Variants in FKBP5 observed in about 807,000 individuals in gnomAD.
FKBP5 encodes the protein FKBP prolyl isomerase 5.
In FKBP5, 23 loss-of-function variants were observed where a neutral mutation model predicts 50.5. That is an observed-to-expected ratio of 0.46 (90% CI 0.33 to 0.65). The LOEUF (loss-of-function observed/expected upper bound fraction) is 0.65. FKBP5 is among the 30% of genes least tolerant of loss of function. The pLI is 0.02. For missense variants in FKBP5, 411 were observed against 553.1 expected, an observed-to-expected ratio of 0.74 and a Z score of 2.58; for synonymous variants, 176 against 190.6, an observed-to-expected ratio of 0.92 and a Z score of 0.63.
chr6:35,591,479 G>A (rs1762817999), intron 6 of FKBP5, among the ~76,000 whole-genome samples: 1 of 151,814 alleles, frequency 6.6e-6, no homozygotes, highest in Non-Finnish European at 1.5e-5. Context: ...CCTTGGGGCA[G>A]CTTGATTCAT....
intron 2 of FKBP5, among the ~76,000 whole-genome samples, chr6:35,713,690 T>G (rs925691349): frequency 6.6e-6 from 1 of 152,168 alleles, no homozygotes; most frequent in Non-Finnish European, 1.5e-5. Context: ...CAGACTTAAA[T>G]GCTCAATTTG....
At chr6:35,707,197 C>A (rs931691281) in intron 2 of FKBP5, among the ~76,000 whole-genome samples, 2 of 147,718 alleles carry the variant, frequency 1.4e-5, no homozygotes, top group African/African-American at 5.0e-5. Context: ...ATTCAGATCA[C>A]TGGTAAGTAT....
chr6:35,631,954 CAAAAAAA>C (rs763457961), intron 3 of FKBP5, among the ~76,000 whole-genome samples: 2 of 63,778 alleles, frequency 3.1e-5, no homozygotes, highest in Admixed American at 1.7e-4. Context: ...GACTCTGTCT[CAAAAAAA>C]AAAAAAAAAA....
At chr6:35,605,824 A>C (rs1473966361) in intron 5 of FKBP5, among the ~76,000 whole-genome samples, 1 of 152,242 alleles carries the variant, frequency 6.6e-6, no homozygotes, top group Non-Finnish European at 1.5e-5. Flanking sequence ...GTATGCGGCA[A>C]GTCCTAGCCT....
At position 35,619,221 on chromosome 6, in the gene FKBP5, A is replaced by G; in HGVS notation, c.394-11T>C. 1 of 1,587,682 alleles carries G rather than the reference A, an allele frequency of 6.3e-7. No homozygotes were observed. Among genetic ancestry groups the G allele is most frequent in the Non-Finnish European group, 8.6e-7 (1 of 1,156,846 alleles). ...ATCAAGGAGCTCAATCTAGAAAGAAAAAAGGAATTCAGCTGAGAAAAGACC... is the reference window on the plus strand; with the variant it reads ...ATCAAGGAGCTCAATCTAGAAAGAAGAAAGGAATTCAGCTGAGAAAAGACC... On this transcript the variant is annotated splice_polypyrimidine_tract_variant and intron_variant, in intron 4 of 10. Coordinates refer to ENST00000357266, the MANE Select transcript of FKBP5 (RefSeq NM_004117.4).
chr6:35,631,385 C>T (rs1345930544), intron 3 of FKBP5, among the ~76,000 whole-genome samples: 1 of 152,062 alleles, frequency 6.6e-6, no homozygotes, highest in Non-Finnish European at 1.5e-5. Flanking sequence ...ATTATAGTAA[C>T]AGAAACCAAG....
intron 6 of FKBP5, among the ~76,000 whole-genome samples, chr6:35,592,590 C>T (rs550163678): frequency 3.2e-4 from 49 of 152,240 alleles, no homozygotes; most frequent in Admixed American, 1.1e-3. Flanking sequence ...CCTTAACTAC[C>T]CAGGTAGGTA....
intron 2 of FKBP5, among the ~76,000 whole-genome samples, chr6:35,705,605 T>C (rs1766294216): frequency 6.6e-6 from 1 of 151,918 alleles, no homozygotes; most frequent in South Asian, 2.1e-4. Context: ...TGAAATAATA[T>C]AAAATATAGA....
At chr6:35,648,709 G>A (rs1446646860) in intron 1 of FKBP5, among the ~76,000 whole-genome samples, 3 of 152,182 alleles carry the variant, frequency 2.0e-5, no homozygotes, top group African/African-American at 7.2e-5. Flanking sequence ...AGCAATTTGG[G>A]AGGCCAGAGC....
intron 1 of FKBP5, among the ~76,000 whole-genome samples, chr6:35,660,035 T>C (rs1765045936): frequency 1.2e-5 from 1 of 84,244 alleles, no homozygotes; most frequent in African/African-American, 3.7e-5. Context: ...CCCTAAACAT[T>C]TGCATTAACC....
intron 5 of FKBP5, among the ~76,000 whole-genome samples, chr6:35,604,175 T>TTTG (rs142034866): frequency 6.6e-5 from 10 of 150,990 alleles, no homozygotes; most frequent in East Asian, 3.9e-4. Context: ...GCCTGGCTAT[T>TTTG]TTGTTGTTGT....
intron 1 of FKBP5, among the ~76,000 whole-genome samples, chr6:35,677,402 T>C (rs1204091676): frequency 6.6e-6 from 1 of 152,200 alleles, no homozygotes; most frequent in Non-Finnish European, 1.5e-5. Context: ...AAGGGAACTA[T>C]CTTGGTCAGG....
Position 35,637,158 on chromosome 6 carries a change from T to C in FKBP5, c.106A>G (p.Ile36Val). The C allele has an allele frequency of 1.2e-6, 2 of 1,605,114 alleles. No individual in the cohort carries two copies. Among genetic ancestry groups the C allele is most frequent in the Non-Finnish European group, 1.7e-6 (2 of 1,178,152 alleles). The change falls in exon 3 of 11, where the codon ATT (isoleucine) becomes GTT (valine). Residue 36 changes from isoleucine to valine, a missense_variant and splice_region_variant. This residue lies in a region of FKBP5 where 56 missense variants were observed against 58.2 expected (regional missense o/e 0.96). Transcript: ENST00000357266. Reference sequence around the variant, plus strand: ...TCACCATTCCCCACTCTTTTGACAATCTAGAAAAGACAAACATTAAGAAAA... The same window carrying C: ...TCACCATTCCCCACTCTTTTGACAACCTAGAAAAGACAAACATTAAGAAAA... ...TSKKDRGVLK[I>V]VKRVGNGEET...
At chr6:35,703,668 G>A (rs1766232171) in intron 2 of FKBP5, among the ~76,000 whole-genome samples, 1 of 152,100 alleles carries the variant, frequency 6.6e-6, no homozygotes, top group South Asian at 2.1e-4. Flanking sequence ...TCTATTATGG[G>A]TTTTGCCTCT....
chr6:35,585,699 C>G (rs1762577333), intron 8 of FKBP5: 1 of 946,844 alleles, frequency 1.1e-6, no homozygotes, highest in Admixed American at 6.2e-5. Flanking sequence ...GTTTGAATAC[C>G]ACCCACAGTA....
At position 35,577,068 on chromosome 6, in the gene FKBP5, C is replaced by A. The variant is rs749756951; in HGVS notation, c.1192G>T (p.Ala398Ser). 4 of 1,614,142 alleles carry A rather than the reference C, an allele frequency of 2.5e-6. No individual in the cohort carries two copies. In the South Asian group the frequency reaches 3.3e-5, roughly 13 times the overall value. ...RLQISMCQKKAKEHNERDRRI... is the reference protein window; with the variant it reads ...RLQISMCQKKSKEHNERDRRI... ...CGGTCCCGCTCGTTGTGCTCCTTGG[C>A]CTTTTTCTGGCACATGGAGATCTGC... Residue 398 changes from alanine to serine, a missense_variant, in exon 10 of 11, where the codon GCC (alanine) becomes TCC (serine). Ala to Ser is a moderately conservative substitution (Grantham distance 99). Coordinates refer to ENST00000357266, the MANE Select transcript of FKBP5 (RefSeq NM_004117.4).
intron 8 of FKBP5, chr6:35,585,718 G>A: frequency 3.1e-6 from 3 of 955,890 alleles, no homozygotes; most frequent in Non-Finnish European, 3.7e-6. Context: ...TAAGAAATAT[G>A]CAATCCAGTA....
chr6:35,726,119 G>C (rs540386345), intron 1 of FKBP5, among the ~76,000 whole-genome samples: 46 of 152,292 alleles, frequency 3.0e-4, no homozygotes, highest in Middle Eastern at 3.4e-3. Context: ...AGCATCACTT[G>C]GATACTGACT....
intron 5 of FKBP5, among the ~76,000 whole-genome samples, chr6:35,607,396 G>T (rs1763356442): frequency 6.6e-6 from 1 of 151,472 alleles, no homozygotes; most frequent in African/African-American, 2.4e-5. Flanking sequence ...TAGAAATGGG[G>T]TCTTACTATG....
Sources: gnomAD v4.1 joint callset for allele counts (sites outside exome capture counted in the v4.1 genomes callset) on GRCh38, gnomAD v4.1.1 for gene constraint, gnomAD v4.1.1 regional missense constraint, MANE v1.5 for transcripts, NCBI Gene and HGNC (gene_info 2026-07-23, HGNC 2026-07-21) for gene names.